Variants in DPP6 observed in about 807,000 individuals in gnomAD.
The protein encoded by DPP6 is A-type potassium channel modulatory protein DPP6.
A neutral mutation model predicts 122.6 loss-of-function variants in DPP6; 69 were observed. That is an observed-to-expected ratio of 0.56 (90% CI 0.46 to 0.69). The LOEUF is 0.69. Ranked by LOEUF, DPP6 falls within the 30% of genes least tolerant of loss-of-function variation. The probability of loss-of-function intolerance (pLI) is 0.00; values close to 1 mark genes in which losing one functional copy is unlikely to be tolerated. For missense variants in DPP6, 928 were observed against 1,116.9 expected (o/e 0.83, Z 2.41); for synonymous variants, 418 against 433.1 (o/e 0.97, Z 0.43).
At chr7:154,261,766 A>C (rs972190273) in intron 1 of DPP6, among the ~76,000 whole-genome samples, 1 of 152,204 alleles carries the variant, frequency 6.6e-6, no homozygotes, top group Admixed American at 6.5e-5. Context: ...AGATATACAA[A>C]TGGCCAACAA....
chr7:153,916,091 C>T (rs1171187675), intron 1 of DPP6, among the ~76,000 whole-genome samples: 5 of 151,226 alleles, frequency 3.3e-5, no homozygotes, highest in Admixed American at 6.6e-5. Flanking sequence ...CTCAGCCTCC[C>T]GAGTAGCTGG....
chr7:154,724,434 C>T (rs369860480), intron 7 of DPP6, among the ~76,000 whole-genome samples: 33 of 152,314 alleles, frequency 2.2e-4, no homozygotes, highest in East Asian at 9.7e-4. Flanking sequence ...AATGGCTGAT[C>T]CTTCTCCATC....
Position 154,616,283 on chromosome 7 carries a change from C to A in DPP6, c.628-21538C>A, listed in dbSNP as rs1404798512. 3.3e-5 allele frequency among the ~76,000 whole-genome samples: 5 copies of A among 152,144 alleles called. No homozygotes were observed. The East Asian group carries it at 9.6e-4, about 29-fold the overall frequency. ...GCTCCATCCCCTAGAAACTGTAATT[C>A]AACAGGTCTTGGGTAAGATTTAGGG... is the stretch of plus-strand genomic sequence containing the variant. On this transcript the variant is annotated intron_variant, in intron 5 of 25. Transcript: ENST00000377770.
chr7:154,577,387 A>C (rs1379685174), intron 5 of DPP6, among the ~76,000 whole-genome samples: 2 of 152,170 alleles, frequency 1.3e-5, no homozygotes, highest in African/African-American at 2.4e-5. Flanking sequence ...CTGCTGGTGC[A>C]GGAGCAGCTG....
chr7:154,888,158 G>A (rs2001529), intron 23 of DPP6, among the ~76,000 whole-genome samples: 11,260 of 148,622 alleles, frequency 0.076, 495 homozygotes, highest in Middle Eastern at 0.14. Context: ...GCATGATCTC[G>A]GCTCACTGCA....
At chr7:154,151,822 C>T (rs1796439084) in intron 1 of DPP6, among the ~76,000 whole-genome samples, 1 of 152,016 alleles carries the variant, frequency 6.6e-6, no homozygotes, top group East Asian at 1.9e-4. Flanking sequence ...TCAGCCTCTG[C>T]TTCTGGGGAA....
rs1292108520 is a variant in DPP6, at chr7:154,877,210, G to A, written c.2078+1110G>A. On this transcript the variant is annotated intron_variant, in intron 20 of 25. Coordinates refer to ENST00000377770, the MANE Select transcript of DPP6 (RefSeq NM_130797.4). The surrounding 1 kb of genome is among the most constrained non-coding windows in gnomAD (Gnocchi z 5.2). ...TTTCAATGGAAAACAATGAGCGTGTGAATGAATGGTTCCGGTCCTCCTCCA... is the reference window on the plus strand; with the variant it reads ...TTTCAATGGAAAACAATGAGCGTGTAAATGAATGGTTCCGGTCCTCCTCCA... 6.6e-6 allele frequency: 1 copy of A among 152,256 alleles called. No homozygotes were observed. Among genetic ancestry groups the A allele is most frequent in the Non-Finnish European group, 1.5e-5 (1 of 68,056 alleles). 9.4% of individuals were successfully genotyped at this position (152,256 alleles called of 1,614,324 possible).
intron 1 of DPP6, among the ~76,000 whole-genome samples, chr7:154,014,288 C>G (rs1798294518): frequency 7.0e-6 from 1 of 143,078 alleles, no homozygotes; most frequent in Non-Finnish European, 1.5e-5. Context: ...TTTATAGAAA[C>G]TTTCAAATTT....
At chr7:154,014,321 A>C (rs1186827103) in intron 1 of DPP6, among the ~76,000 whole-genome samples, 2 of 142,796 alleles carry the variant, frequency 1.4e-5, no homozygotes, top group Admixed American at 1.4e-4. Flanking sequence ...GGCCAACCTT[A>C]TCTGTGACCA....
intron 1 of DPP6, among the ~76,000 whole-genome samples, chr7:153,968,506 C>G (rs1348631864): frequency 2.0e-5 from 3 of 151,858 alleles, no homozygotes; most frequent in Admixed American, 6.5e-5. Context: ...TGGTTTTTAG[C>G]ATATCCAGAG....
intron 5 of DPP6, among the ~76,000 whole-genome samples, chr7:154,637,052 G>A (rs557498822): frequency 1.1e-4 from 16 of 152,306 alleles, no homozygotes; most frequent in African/African-American, 3.9e-4. Flanking sequence ...GGAGGCTGGC[G>A]ATGAAGGATG....
At chr7:154,368,311 A>C (rs1215932063) in intron 1 of DPP6, among the ~76,000 whole-genome samples, 1 of 152,186 alleles carries the variant, frequency 6.6e-6, no homozygotes, top group Non-Finnish European at 1.5e-5. Context: ...AGTGGTTCTC[A>C]AAGTGTGCTC....
At chr7:154,798,064 TG>T (rs1181504220) in intron 12 of DPP6, among the ~76,000 whole-genome samples, 1 of 152,136 alleles carries the variant, frequency 6.6e-6, no homozygotes, top group Non-Finnish European at 1.5e-5. Context: ...GATTCTTTGT[TG>T]GGGGCAGGGA....
intron 1 of DPP6, among the ~76,000 whole-genome samples, chr7:153,920,559 C>CTTTTTTT: frequency 5.6e-5 from 1 of 18,016 alleles, no homozygotes; most frequent in Non-Finnish European, 1.0e-4. Context: ...TCTTTTATCT[C>CTTTTTTT]TCTCTTTTTT....
chr7:154,570,858 A>AT (rs565882707), intron 5 of DPP6, among the ~76,000 whole-genome samples: 7 of 152,312 alleles, frequency 4.6e-5, no homozygotes, highest in Non-Finnish European at 1.0e-4. Context: ...AGCAAACCCA[A>AT]TTTTCCACTT....
chr7:153,892,913 C>G (rs1391773078), intron 1 of DPP6, among the ~76,000 whole-genome samples: 1 of 152,170 alleles, frequency 6.6e-6, no homozygotes, highest in African/African-American at 2.4e-5. Context: ...AATCATCACC[C>G]TTATAACTAG....
intron 3 of DPP6, among the ~76,000 whole-genome samples, chr7:154,491,127 T>C (rs1824243058): frequency 6.6e-6 from 1 of 152,196 alleles, no homozygotes; most frequent in Non-Finnish European, 1.5e-5. Flanking sequence ...TTTCCAACTT[T>C]CTTCTCAATG....
At chr7:154,684,336 C>T (rs972117955) in intron 7 of DPP6, among the ~76,000 whole-genome samples, 3 of 152,312 alleles carry the variant, frequency 2.0e-5, no homozygotes, top group African/African-American at 7.2e-5. Flanking sequence ...CCAGCCAAAT[C>T]CAAGCTCCTT....
chr7:154,516,934 AT>A (rs1409940121), intron 3 of DPP6, among the ~76,000 whole-genome samples: 4 of 151,930 alleles, frequency 2.6e-5, no homozygotes, highest in Non-Finnish European at 5.9e-5. Context: ...GCCATCTCGA[AT>A]TTTCTGATTT....
Sources: gnomAD v4.1 joint callset for allele counts (sites outside exome capture counted in the v4.1 genomes callset) on GRCh38, gnomAD v4.1.1 for gene constraint, Gnocchi (gnomAD v3.1) non-coding constraint, MANE v1.5 for transcripts, NCBI Gene and HGNC (gene_info 2026-07-23, HGNC 2026-07-21) for gene names.